Variants in STK33 observed in about 807,000 individuals in gnomAD.
STK33 encodes serine/threonine-protein kinase 33.
A neutral mutation model predicts 58.0 loss-of-function variants in STK33; 52 were observed. The ratio of observed to expected loss-of-function variants is 0.90; its 90% CI spans 0.72 to 1.13. STK33 has a LOEUF of 1.13. Ranked by LOEUF, STK33 falls within the 50% of genes most tolerant of loss-of-function variation. STK33 has a pLI of 0.00. For missense variants in STK33, 630 were observed against 604.2 expected, an observed-to-expected ratio of 1.04 and a Z score of -0.45; for synonymous variants, 215 against 200.1, an observed-to-expected ratio of 1.07 and a Z score of -0.63.
At chr11:8,407,802 C>T (rs1024016402) in intron 15 of STK33, among the ~76,000 whole-genome samples, 1 of 151,878 alleles carries the variant, frequency 6.6e-6, no homozygotes, top group African/African-American at 2.4e-5. Context: ...ACTTCCAAAA[C>T]GTGGCTAAAG....
At chr11:8,531,282 G>T (rs755361630) in intron 1 of STK33, among the ~76,000 whole-genome samples, 24 of 152,176 alleles carry the variant, frequency 1.6e-4, no homozygotes, top group African/African-American at 5.6e-4. Flanking sequence ...AGGTAAGAAA[G>T]ATACTAAGGC....
chr11:8,440,513 T>G (rs1944602580), intron 12 of STK33, among the ~76,000 whole-genome samples, 165 bp downstream of exon 12: 1 of 152,236 alleles, frequency 6.6e-6, no homozygotes. Context: ...ACCTCAGGGA[T>G]GTATGTATAC....
intron 1 of STK33, among the ~76,000 whole-genome samples, chr11:8,547,165 T>G (rs1955986813): frequency 6.6e-6 from 1 of 152,224 alleles, no homozygotes. Context: ...TGATTAGCGA[T>G]AAGAATTTTT....
chr11:8,457,907 A>G (rs1947070294), intron 8 of STK33, among the ~76,000 whole-genome samples: 1 of 152,230 alleles, frequency 6.6e-6, no homozygotes, highest in Non-Finnish European at 1.5e-5. Context: ...GTCTGTTAAA[A>G]GAATAATCTC....
At chr11:8,366,655 G>A in the STK33 span, among the ~76,000 whole-genome samples, 4 of 152,174 alleles carry the variant, frequency 2.6e-5, no homozygotes. Flanking sequence ...GCAGGAACAG[G>A]GGCATCCAGT....
At position 8,454,743 on chromosome 11, in the gene STK33, C is replaced by T; in HGVS notation, c.786+1G>A. 5 of 1,566,294 alleles carry T rather than the reference C, an allele frequency of 3.2e-6. No homozygotes were observed. Among genetic ancestry groups the T allele is most frequent in the Non-Finnish European group, 4.3e-6 (5 of 1,155,714 alleles). On this transcript the variant is annotated splice_donor_variant, in intron 10 of 15. Transcript: ENST00000687296. LOFTEE classifies it high-confidence loss of function. Reference sequence around the variant, plus strand: ...ATATTTACCACCATTGCTAATCTTACCTTTATGTTTAAGTTTATTTCATTG... The same window carrying T: ...ATATTTACCACCATTGCTAATCTTATCTTTATGTTTAAGTTTATTTCATTG...
intron 11 of STK33, among the ~76,000 whole-genome samples, chr11:8,448,298 G>A (rs1195682923): frequency 6.6e-6 from 1 of 152,016 alleles, no homozygotes; most frequent in Non-Finnish European, 1.5e-5. Flanking sequence ...AGTTCATATG[G>A]AGCCAAAAAA....
At chr11:8,583,646 G>A (rs776261823) in intron 1 of STK33, among the ~76,000 whole-genome samples, 19 of 152,170 alleles carry the variant, frequency 1.2e-4, no homozygotes, top group Admixed American at 8.5e-4. Context: ...TAATGATAAT[G>A]TGGGTGTAAT....
chr11:8,570,262 AC>A (rs1005012314), intron 1 of STK33, among the ~76,000 whole-genome samples: 1 of 152,212 alleles, frequency 6.6e-6, no homozygotes, highest in Non-Finnish European at 1.5e-5. Context: ...GACTGACAAA[AC>A]CAAATATTAG....
intron 1 of STK33, among the ~76,000 whole-genome samples, chr11:8,509,907 T>C (rs1952171571): frequency 6.6e-6 from 1 of 152,242 alleles, no homozygotes; most frequent in Non-Finnish European, 1.5e-5. Flanking sequence ...ACTCCTTGAC[T>C]GATGGGCATT....
chr11:8,376,539 A>T, the STK33 span, among the ~76,000 whole-genome samples: 1 of 150,696 alleles, frequency 6.6e-6, no homozygotes, highest in African/African-American at 2.4e-5. Flanking sequence ...GCAGGCTTTG[A>T]TTCTTTTTTC....
At chr11:8,488,992 CTCACGCCTA>C (rs1323975295) in intron 1 of STK33, among the ~76,000 whole-genome samples, 3 of 152,068 alleles carry the variant, frequency 2.0e-5, no homozygotes, top group African/African-American at 4.8e-5. Context: ...GGCATGGTGG[CTCACGCCTA>C]TAAACCCAGC....
At chr11:8,337,646 G>C in the STK33 span, among the ~76,000 whole-genome samples, 4 of 21,670 alleles carry the variant, frequency 1.8e-4, no homozygotes, top group Admixed American at 3.2e-4. Flanking sequence ...GGCGGGGGGC[G>C]GGGGGGGGGC....
At chr11:8,570,546 A>G (rs141671621) in intron 1 of STK33, among the ~76,000 whole-genome samples, 14 of 152,350 alleles carry the variant, frequency 9.2e-5, no homozygotes, top group African/African-American at 3.1e-4. Flanking sequence ...GGATAAATCG[A>G]TGGTGGTATA....
At chr11:8,501,644 A>G (rs993806648) in intron 1 of STK33, among the ~76,000 whole-genome samples, 1 of 152,182 alleles carries the variant, frequency 6.6e-6, no homozygotes, top group Non-Finnish European at 1.5e-5. Flanking sequence ...GATTTCCTCA[A>G]AAAGTAAAAC....
intron 1 of STK33, among the ~76,000 whole-genome samples, chr11:8,496,793 C>A (rs1951093554): frequency 6.6e-6 from 1 of 152,012 alleles, no homozygotes; most frequent in Admixed American, 6.6e-5. Flanking sequence ...CCAGGATGGT[C>A]TCGATCTCCT....
At chr11:8,398,129 C>A (rs532461325) in intron 15 of STK33, among the ~76,000 whole-genome samples, 1 of 151,974 alleles carries the variant, frequency 6.6e-6, no homozygotes, top group East Asian at 1.9e-4. Context: ...AGATACTCCT[C>A]GAGAAGAGCA....
intron 1 of STK33, among the ~76,000 whole-genome samples, chr11:8,514,196 C>T (rs1225367659): frequency 2.0e-5 from 3 of 152,160 alleles, no homozygotes; most frequent in Admixed American, 1.3e-4. Flanking sequence ...ATATGTGTCA[C>T]ATTTTCTTTA....
chr11:8,584,372 C>T (rs12575045), intron 1 of STK33, among the ~76,000 whole-genome samples: 8,617 of 152,176 alleles, frequency 0.057, 444 homozygotes, highest in African/African-American at 0.14. Context: ...TCTGAAGTGC[C>T]AGCCTGGACT....
Sources: gnomAD v4.1 joint callset for allele counts (sites outside exome capture counted in the v4.1 genomes callset) on GRCh38, gnomAD v4.1.1 for gene constraint, MANE v1.5 for transcripts, NCBI Gene and HGNC (gene_info 2026-07-23, HGNC 2026-07-21) for gene names.